Variants in ROBO1 observed in about 807,000 individuals in gnomAD.
The protein encoded by ROBO1 is roundabout homolog 1.
A neutral mutation model predicts 195.9 loss-of-function variants in ROBO1; 149 were observed. The ratio of observed to expected loss-of-function variants is 0.76; its 90% CI spans 0.67 to 0.87. The LOEUF (loss-of-function observed/expected upper bound fraction) is 0.87, where lower values mean the gene tolerates loss of function less well. Ranked by LOEUF, ROBO1 falls within the 40% of genes least tolerant of loss-of-function variation. The pLI is 0.00. For synonymous variants in ROBO1, 816 were observed against 733.2 expected (o/e 1.11, Z -1.82); for missense variants, 1,933 against 2,068.3 (o/e 0.93, Z 1.27).
At chr3:78,897,057 C>T (rs2037281733) in intron 4 of ROBO1, among the ~76,000 whole-genome samples, 1 of 152,216 alleles carries the variant, frequency 6.6e-6, no homozygotes, top group African/African-American at 2.4e-5. Context: ...ATTCCACACA[C>T]ATTAGGCTTT....
intron 4 of ROBO1, among the ~76,000 whole-genome samples, chr3:78,762,215 A>G (rs1310775222): frequency 1.3e-5 from 2 of 152,072 alleles, no homozygotes; most frequent in Admixed American, 1.3e-4. Flanking sequence ...TTTTTAATTG[A>G]CAATGACCTA....
intron 1 of ROBO1, among the ~76,000 whole-genome samples, chr3:79,718,895 C>T (rs1702592430): frequency 2.0e-5 from 3 of 152,032 alleles, no homozygotes; most frequent in Non-Finnish European, 4.4e-5. Flanking sequence ...CTAAAAGATT[C>T]TGTAACCTGG....
intron 1 of ROBO1, among the ~76,000 whole-genome samples, chr3:79,756,161 G>C (rs1704381341): frequency 6.6e-6 from 1 of 152,118 alleles, no homozygotes; most frequent in Non-Finnish European, 1.5e-5. Flanking sequence ...TTGATTTATT[G>C]CCTTCCTCCT....
intron 3 of ROBO1, among the ~76,000 whole-genome samples, chr3:78,962,563 C>T (rs1279419917): frequency 6.6e-6 from 1 of 151,986 alleles, no homozygotes; most frequent in East Asian, 1.9e-4. Context: ...CGGTGGCTCA[C>T]GCCTGTAATC....
In ROBO1 at chr3:78,844,335, G is replaced by C. The variant is rs1333088637; in HGVS notation, c.499+94266C>G. On this transcript the variant is annotated intron_variant, in intron 4 of 30. Coordinates refer to ENST00000464233, the MANE Select transcript of ROBO1 (RefSeq NM_002941.4). ...AGATTTTTCTGACCTTTACCTGTCT[G>C]CAATTATTTTTTTAACCTCCTTTTT... Among the ~76,000 whole-genome samples the C allele has an allele frequency of 2.6e-5, 4 of 152,098 alleles. No individual in the cohort carries two copies. The East Asian group carries it at 7.7e-4, about 29-fold the overall frequency.
In ROBO1 at chr3:79,689,825, T is replaced by C. The variant is rs373196878; in HGVS notation, c.-51+77927A>G. Among the ~76,000 whole-genome samples, 10 of 152,160 alleles carry C rather than the reference T, an allele frequency of 6.6e-5. 1 individual carries two copies. In the East Asian group the frequency reaches 1.7e-3, roughly 27 times the overall value. On this transcript the variant is annotated intron_variant, in intron 1 of 30. Transcript: ENST00000464233. ...GAAAACACATCTTGGTAGCAAAATG[T>C]CTACACAGAAATAACAAATATTGAG...
intron 3 of ROBO1, among the ~76,000 whole-genome samples, chr3:78,954,168 A>G (rs1370098534): frequency 6.6e-6 from 1 of 152,012 alleles, no homozygotes; most frequent in Non-Finnish European, 1.5e-5. Flanking sequence ...AAAAAACTAG[A>G]GCATTTAGCA....
chr3:79,539,451 A>G (rs990433485), intron 2 of ROBO1, among the ~76,000 whole-genome samples: 1 of 152,160 alleles, frequency 6.6e-6, no homozygotes, highest in African/African-American at 2.4e-5. Flanking sequence ...TAATTATGAA[A>G]TGACTTATAT....
intron 1 of ROBO1, among the ~76,000 whole-genome samples, chr3:79,623,721 T>C (rs1174677690): frequency 6.6e-6 from 1 of 152,126 alleles, no homozygotes; most frequent in Non-Finnish European, 1.5e-5. Context: ...CTACAATTGA[T>C]TGGAGTACCA....
intron 2 of ROBO1, among the ~76,000 whole-genome samples, chr3:79,409,060 C>G (rs1463296518): frequency 6.6e-6 from 1 of 151,890 alleles, no homozygotes; most frequent in Non-Finnish European, 1.5e-5. Context: ...AGAAACAGGA[C>G]AAATTATAAA....
intron 5 of ROBO1, among the ~76,000 whole-genome samples, chr3:78,745,321 A>G (rs2082631926): frequency 6.6e-6 from 1 of 151,930 alleles, no homozygotes; most frequent in Non-Finnish European, 1.5e-5. Flanking sequence ...AAAAAAAAAA[A>G]AAAAGATTTT....
intron 2 of ROBO1, among the ~76,000 whole-genome samples, chr3:79,339,185 GC>G (rs2034806918): frequency 6.6e-6 from 1 of 152,138 alleles, no homozygotes; most frequent in African/African-American, 2.4e-5. Context: ...TGTCTCTTCT[GC>G]TTCCATCCTT....
At chr3:78,883,027 G>A (rs552783457) in intron 4 of ROBO1, among the ~76,000 whole-genome samples, 17 of 151,924 alleles carry the variant, frequency 1.1e-4, no homozygotes, top group Non-Finnish European at 2.1e-4. Context: ...TGGCCAGGCC[G>A]GTCTTGAACT....
chr3:79,447,976 A>C (rs182176211), intron 2 of ROBO1, among the ~76,000 whole-genome samples: 22 of 152,310 alleles, frequency 1.4e-4, no homozygotes, highest in African/African-American at 5.3e-4. Flanking sequence ...GTTGATACTA[A>C]CAATACTAAC....
At chr3:79,679,031 G>T (rs1478437646) in intron 1 of ROBO1, among the ~76,000 whole-genome samples, 2 of 151,734 alleles carry the variant, frequency 1.3e-5, no homozygotes, top group Non-Finnish European at 2.9e-5. Flanking sequence ...TTCTCATACA[G>T]AATATTAAAA....
chr3:79,401,064 A>T (rs1427919299), intron 2 of ROBO1, among the ~76,000 whole-genome samples: 1 of 151,872 alleles, frequency 6.6e-6, no homozygotes, highest in Non-Finnish European at 1.5e-5. Flanking sequence ...ACCCATATTT[A>T]AATTTGAGAT....
At chr3:79,644,322 A>T (rs1208661650) in intron 1 of ROBO1, among the ~76,000 whole-genome samples, 1 of 152,174 alleles carries the variant, frequency 6.6e-6, no homozygotes, top group Non-Finnish European at 1.5e-5. Flanking sequence ...TGAACATAGA[A>T]AGAGCAAAGT....
At chr3:79,437,064 C>T (rs564433219) in intron 2 of ROBO1, among the ~76,000 whole-genome samples, 25 of 152,064 alleles carry the variant, frequency 1.6e-4, no homozygotes, top group Non-Finnish European at 2.9e-4. Context: ...GGTTAATCCA[C>T]ATGTCATTAA....
chr3:78,642,526 C>T lies in ROBO1; in HGVS notation c.2883-2628G>A, dbSNP rs994611861. ...TGAGCTCTATTTCCTCACCTCCCAC[C>T]AACAGGGAATGTGGTATTGGCATTC... On this transcript the variant is annotated intron_variant, in intron 21 of 30. Transcript: ENST00000464233. Among the ~76,000 whole-genome samples, 6 of 152,292 alleles carry T rather than the reference C, an allele frequency of 3.9e-5. No homozygotes were observed. In the East Asian group the frequency reaches 9.7e-4, roughly 25 times the overall value.
Sources: gnomAD v4.1 joint callset for allele counts (sites outside exome capture counted in the v4.1 genomes callset) on GRCh38, gnomAD v4.1.1 for gene constraint, MANE v1.5 for transcripts, NCBI Gene and HGNC (gene_info 2026-07-23, HGNC 2026-07-21) for gene names.